The following NMNAT2 variants were observed in gnomAD, a reference collection of about 807,000 sequenced individuals.
NMNAT2 encodes nicotinamide/nicotinic acid mononucleotide adenylyltransferase 2.
Under a neutral mutation model 41.6 loss-of-function variants are expected in NMNAT2, and 11 were observed. The ratio of observed to expected loss-of-function variants is 0.26; its 90% CI spans 0.17 to 0.44. The LOEUF is 0.44. NMNAT2 is among the 20% of genes least tolerant of loss of function. The pLI is 1.00. For synonymous variants in NMNAT2, 148 were observed against 151.2 expected, an observed-to-expected ratio of 0.98 and a Z score of 0.16; for missense variants, 288 against 407.7, an observed-to-expected ratio of 0.71 and a Z score of 2.53.
chr1:183,321,172 G>T (rs962241490), intron 1 of NMNAT2, among the ~76,000 whole-genome samples: 1 of 152,166 alleles, frequency 6.6e-6, no homozygotes, highest in Non-Finnish European at 1.5e-5. Flanking sequence ...CGTCCCACCA[G>T]ACGGAATCCT....
chr1:183,350,623 A>G (rs1336092054), intron 1 of NMNAT2, among the ~76,000 whole-genome samples: 2 of 152,244 alleles, frequency 1.3e-5, no homozygotes, highest in Non-Finnish European at 2.9e-5. Flanking sequence ...ACAATTTTAC[A>G]TCTAAATGAG....
At chr1:183,281,562 G>A (rs576646844) in intron 7 of NMNAT2, among the ~76,000 whole-genome samples, 1 of 152,304 alleles carries the variant, frequency 6.6e-6, no homozygotes, top group East Asian at 1.9e-4. Context: ...TCAAGAGTAC[G>A]GTCTCTGCCA....
At chr1:183,270,120 G>A (rs1265272056) in intron 8 of NMNAT2, among the ~76,000 whole-genome samples, 1 of 152,118 alleles carries the variant, frequency 6.6e-6, no homozygotes, top group Non-Finnish European at 1.5e-5. Context: ...TCCTGACCTC[G>A]TGATCCACCC....
At chr1:183,415,282 C>T (rs1649223622) in intron 1 of NMNAT2, among the ~76,000 whole-genome samples, 1 of 152,080 alleles carries the variant, frequency 6.6e-6, no homozygotes, top group African/African-American at 2.4e-5. Context: ...CACACCTGGC[C>T]AAAAGTTTGA....
chr1:183,410,556 G>T (rs1292989291), intron 1 of NMNAT2, among the ~76,000 whole-genome samples: 1 of 151,904 alleles, frequency 6.6e-6, no homozygotes, highest in Non-Finnish European at 1.5e-5. Context: ...TAAAAAAAAT[G>T]CTGGGTCAGA....
At chr1:183,373,165 A>G (rs1158783581) in intron 1 of NMNAT2, among the ~76,000 whole-genome samples, 1 of 152,240 alleles carries the variant, frequency 6.6e-6, no homozygotes, top group African/African-American at 2.4e-5. Flanking sequence ...TCCAGCTGAA[A>G]GTAGCTTCTC....
chr1:183,336,724 T>C (rs964618701), intron 1 of NMNAT2, among the ~76,000 whole-genome samples: 1 of 152,172 alleles, frequency 6.6e-6, no homozygotes. Context: ...CTAAAAGAAA[T>C]GAAAACCTGT....
chr1:183,372,011 G>A (rs988828156), intron 1 of NMNAT2, among the ~76,000 whole-genome samples: 3 of 152,110 alleles, frequency 2.0e-5, no homozygotes, highest in Non-Finnish European at 4.4e-5. Context: ...AACTCCTGGG[G>A]CTCAAGTGAT....
At chr1:183,355,960 A>G (rs1305151018) in intron 1 of NMNAT2, among the ~76,000 whole-genome samples, 1 of 152,218 alleles carries the variant, frequency 6.6e-6, no homozygotes, top group East Asian at 1.9e-4. Flanking sequence ...CAGTCTTCAT[A>G]GAGCAGTGCC....
chr1:183,391,057 C>T (rs1382787239), intron 1 of NMNAT2, among the ~76,000 whole-genome samples: 1 of 152,162 alleles, frequency 6.6e-6, no homozygotes, highest in African/African-American at 2.4e-5. Flanking sequence ...TATTTTGCAG[C>T]ATCAATGAGC....
At chr1:183,300,633 G>A (rs1661825217) in intron 1 of NMNAT2, among the ~76,000 whole-genome samples, 1 of 152,140 alleles carries the variant, frequency 6.6e-6, no homozygotes, top group Admixed American at 6.5e-5. Context: ...AAGAGTACAT[G>A]GTATCTCTCT....
At chr1:183,359,254 A>G (rs936132244) in intron 1 of NMNAT2, among the ~76,000 whole-genome samples, 4 of 152,148 alleles carry the variant, frequency 2.6e-5, no homozygotes, top group Non-Finnish European at 5.9e-5. Flanking sequence ...ACAATTACCA[A>G]CAGATTATGT....
intron 10 of NMNAT2, 123 bp downstream of exon 10, chr1:183,260,879 A>G: frequency 1.3e-6 from 1 of 776,424 alleles, no homozygotes; most frequent in Non-Finnish European, 2.3e-6. Context: ...TCCAAACAGG[A>G]AGCTAAACAC....
rs192188028 is a variant in NMNAT2 at position 183,398,490 on chromosome 1, T to C, written c.85+19693A>G. On this transcript the variant is annotated intron_variant, in intron 1 of 10. Coordinates refer to ENST00000287713, the MANE Select transcript of NMNAT2 (RefSeq NM_015039.4). ...GACTTTAACACCCCACTGTCAACATTAGACAGATCAACGAGACAGGAAGTT... is the reference window on the plus strand; with the variant it reads ...GACTTTAACACCCCACTGTCAACATCAGACAGATCAACGAGACAGGAAGTT... Among the ~76,000 whole-genome samples, 175 of 152,178 alleles carry C rather than the reference T, an allele frequency of 1.1e-3. 1 individual carries two copies. The highest frequency in any genetic ancestry group is 3.7e-3 in the African/African-American group (153 of 41,522).
rs200201936 is a variant in NMNAT2 at position 183,292,843 on chromosome 1, G to T, written c.189C>A (p.Ser63Arg). ...DSYGKQGLVSSRHRLIMCQLA... is the reference protein window; with the variant it reads ...DSYGKQGLVSRRHRLIMCQLA... Reference sequence around the variant, plus strand: ...GCTGACACATGATGAGACGGTGCCGGCTTGACACGAGGCCCTGGGAAGCAA... The same window carrying T: ...GCTGACACATGATGAGACGGTGCCGTCTTGACACGAGGCCCTGGGAAGCAA... The change falls in exon 3 of 11, where the codon AGC becomes AGA. Residue 63 changes from serine to arginine, a missense_variant. Coordinates refer to ENST00000287713, the MANE Select transcript of NMNAT2 (RefSeq NM_015039.4). 6.2e-7 allele frequency: 1 copy of T among 1,613,992 alleles called. No individual in the cohort carries two copies. The highest frequency in any genetic ancestry group is 8.5e-7 in the Non-Finnish European group (1 of 1,179,962).
chr1:183,334,218 C>T (rs569541758), intron 1 of NMNAT2, among the ~76,000 whole-genome samples: 10 of 152,270 alleles, frequency 6.6e-5, no homozygotes, highest in African/African-American at 1.9e-4. Flanking sequence ...AGGAGCACAA[C>T]ACCATGCCCG....
At chr1:183,377,847 A>G (rs1350543343) in intron 1 of NMNAT2, among the ~76,000 whole-genome samples, 1 of 152,238 alleles carries the variant, frequency 6.6e-6, no homozygotes. Context: ...TTTATATGTT[A>G]AAAACTCTAA....
At chr1:183,373,677 G>A (rs1663604825) in intron 1 of NMNAT2, among the ~76,000 whole-genome samples, 1 of 151,016 alleles carries the variant, frequency 6.6e-6, no homozygotes, top group African/African-American at 2.4e-5. Context: ...GAGTGCAGTG[G>A]TGCCATCTCG....
At chr1:183,370,217 AACACAT>A (rs1557891953) in intron 1 of NMNAT2, among the ~76,000 whole-genome samples, 1 of 89,412 alleles carries the variant, frequency 1.1e-5, no homozygotes, top group Non-Finnish European at 2.3e-5. Context: ...CACTACTATC[AACACAT>A]ACACACACAC....
Sources: allele counts gnomAD v4.1 joint callset (sites outside exome capture counted in the v4.1 genomes callset), GRCh38; gene constraint gnomAD v4.1.1; transcripts MANE v1.5; gene names NCBI Gene and HGNC (gene_info 2026-07-23, HGNC 2026-07-21).